The following ANKS1B variants were observed in gnomAD, a reference collection of about 807,000 sequenced individuals.
ANKS1B encodes the protein ankyrin repeat and sterile alpha motif domain containing 1B.
ANKS1B carries 36 observed loss-of-function variants against 148.3 expected under a neutral mutation model. The ratio of observed to expected loss-of-function variants is 0.24; its 90% CI spans 0.19 to 0.32. The LOEUF is 0.32. Among genes scored for constraint, ANKS1B ranks in the 10% least tolerant of loss-of-function variants. The probability of loss-of-function intolerance (pLI) is 1.00; values close to 1 mark genes in which losing one functional copy is unlikely to be tolerated. For synonymous variants in ANKS1B, 542 were observed against 560.8 expected (o/e 0.97, Z 0.47); for missense variants, 1,157 against 1,542.6 (o/e 0.75, Z 4.19).
At chr12:99,938,537 C>G (rs2153814143) in intron 1 of ANKS1B, among the ~76,000 whole-genome samples, 1 of 152,232 alleles carries the variant, frequency 6.6e-6, no homozygotes, top group Admixed American at 6.5e-5. Context: ...AGATGACTAA[C>G]ACATCTTTCT....
At chr12:99,971,568 C>A (rs2095558453) in intron 1 of ANKS1B, among the ~76,000 whole-genome samples, 1 of 149,834 alleles carries the variant, frequency 6.7e-6, no homozygotes, top group Non-Finnish European at 1.5e-5. Flanking sequence ...ACTAGAGGTA[C>A]CAAACAAGAA....
chr12:99,670,445 C>T (rs1229812242), intron 8 of ANKS1B, among the ~76,000 whole-genome samples: 1 of 152,002 alleles, frequency 6.6e-6, no homozygotes, highest in Non-Finnish European at 1.5e-5. Context: ...AATTTCATTG[C>T]TACTTAACTT....
chr12:98,822,039 C>T (rs532144436), intron 19 of ANKS1B, among the ~76,000 whole-genome samples: 102 of 151,688 alleles, frequency 6.7e-4, no homozygotes, highest in African/African-American at 2.4e-3. Context: ...AGAGCCAACA[C>T]AGAGGACAGC....
chr12:99,451,653 T>C (rs1302288807), intron 10 of ANKS1B, among the ~76,000 whole-genome samples: 4 of 152,174 alleles, frequency 2.6e-5, no homozygotes, highest in African/African-American at 7.2e-5. Flanking sequence ...GGAGGAGTCA[T>C]ACACAAAGAC....
chr12:99,946,157 G>A (rs76925095), intron 1 of ANKS1B, among the ~76,000 whole-genome samples: 10,438 of 152,168 alleles, frequency 0.069, 472 homozygotes, highest in Middle Eastern at 0.13. Context: ...AGACCAGAAA[G>A]AGTAGACATT....
chr12:99,675,306 C>T (rs1485290869), intron 8 of ANKS1B, among the ~76,000 whole-genome samples: 1 of 151,836 alleles, frequency 6.6e-6, no homozygotes, highest in East Asian at 1.9e-4. Flanking sequence ...ATTGAAAACA[C>T]TTAATATTTA....
intron 1 of ANKS1B, among the ~76,000 whole-genome samples, chr12:99,870,680 A>G (rs1269124030): frequency 5.9e-5 from 9 of 152,140 alleles, no homozygotes; most frequent in Non-Finnish European, 1.5e-5. Flanking sequence ...TAGTTATTTG[A>G]GCATTTTTTC....
At chr12:98,889,113 C>A (rs1310767669) in intron 17 of ANKS1B, among the ~76,000 whole-genome samples, 1 of 152,146 alleles carries the variant, frequency 6.6e-6, no homozygotes, top group East Asian at 1.9e-4. Context: ...AGTCACAGTA[C>A]AAATTCAATA....
At chr12:99,819,652 T>C (rs939702014) in intron 2 of ANKS1B, among the ~76,000 whole-genome samples, 1 of 151,844 alleles carries the variant, frequency 6.6e-6, no homozygotes, top group Non-Finnish European at 1.5e-5. Context: ...TGTCACAATA[T>C]ACCAAATATA....
At chr12:99,344,744 A>G (rs1279727687) in intron 12 of ANKS1B, 2 of 151,978 alleles carry the variant, frequency 1.3e-5, no homozygotes, top group African/African-American at 4.8e-5. Flanking sequence ...GATCAGTCAC[A>G]TTTTTTGTAT....
chr12:99,684,579 C>T (rs1235737247), intron 8 of ANKS1B, among the ~76,000 whole-genome samples: 1 of 151,558 alleles, frequency 6.6e-6, no homozygotes, highest in Non-Finnish European at 1.5e-5. Context: ...AAAAACAATC[C>T]TAAAATTTAT....
chr12:99,158,442 G>A (rs2076302326), intron 14 of ANKS1B, among the ~76,000 whole-genome samples: 1 of 152,116 alleles, frequency 6.6e-6, no homozygotes, highest in South Asian at 2.1e-4. Flanking sequence ...AGTATGTGGT[G>A]AAAACAGGAA....
At chr12:98,755,280 G>A (rs1002323602) in intron 25 of ANKS1B, among the ~76,000 whole-genome samples, 1 of 152,180 alleles carries the variant, frequency 6.6e-6, no homozygotes, top group Non-Finnish European at 1.5e-5. Flanking sequence ...AGACTCTACC[G>A]GGATGAGGTT....
chr12:99,328,381 G>C (rs144128928), intron 12 of ANKS1B, among the ~76,000 whole-genome samples: 116 of 152,046 alleles, frequency 7.6e-4, no homozygotes, highest in African/African-American at 2.5e-3. Context: ...GCATGCATGT[G>C]AGGAAATAAC....
intron 14 of ANKS1B, among the ~76,000 whole-genome samples, chr12:99,205,500 T>C (rs1273979795): frequency 6.6e-6 from 1 of 152,214 alleles, no homozygotes; most frequent in African/African-American, 2.4e-5. Flanking sequence ...CAAATGACAC[T>C]GCTGATGAAT....
intron 8 of ANKS1B, among the ~76,000 whole-genome samples, chr12:99,732,741 T>C (rs2153570121): frequency 6.6e-6 from 1 of 152,318 alleles, no homozygotes; most frequent in East Asian, 1.9e-4. Flanking sequence ...AAATTATATC[T>C]CTAATTTTTT....
chr12:99,596,317 G>A (rs1159572978), intron 9 of ANKS1B, among the ~76,000 whole-genome samples: 1 of 151,538 alleles, frequency 6.6e-6, no homozygotes, highest in Non-Finnish European at 1.5e-5. Flanking sequence ...GTGTTCCTTG[G>A]CTTGAAGGTG....
chr12:99,679,685 G>A lies in ANKS1B; in HGVS notation c.1129-24475C>T, dbSNP rs182183907. On this transcript the variant is annotated intron_variant, in intron 8 of 26. Coordinates refer to ENST00000683438, the MANE Select transcript of ANKS1B (RefSeq NM_001352186.2). ...AAAGCAGATATTTTCAAATAAAAAA[G>A]AACCAAATTATTATCAAATTCTTAA... is the stretch of plus-strand genomic sequence containing the variant. Among the ~76,000 whole-genome samples, 1,195 of 152,176 alleles carry A rather than the reference G, an allele frequency of 7.9e-3. 15 individuals carry two copies. Among genetic ancestry groups the A allele is most frequent in the Non-Finnish European group, 8.7e-3 (592 of 67,994 alleles).
At chr12:98,979,667 ATT>A (rs58780711) in intron 17 of ANKS1B, among the ~76,000 whole-genome samples, 2 of 147,988 alleles carry the variant, frequency 1.4e-5, no homozygotes, top group Non-Finnish European at 3.0e-5. Flanking sequence ...ATGCTTTTAG[ATT>A]TTTTTTTTTT....
Sources: allele counts gnomAD v4.1 joint callset (sites outside exome capture counted in the v4.1 genomes callset), GRCh38; gene constraint gnomAD v4.1.1; transcripts MANE v1.5; gene names NCBI Gene and HGNC (gene_info 2026-07-23, HGNC 2026-07-21).